Variants in SH3GL2 observed in about 807,000 individuals in gnomAD.
The protein encoded by SH3GL2 is endophilin-A1.
In SH3GL2, 24 loss-of-function variants were observed where a neutral mutation model predicts 46.0. The ratio of observed to expected loss-of-function variants is 0.52; its 90% CI spans 0.38 to 0.73. The LOEUF is 0.73. Among genes scored for constraint, SH3GL2 ranks in the 30% least tolerant of loss-of-function variants. The pLI, the probability that SH3GL2 is intolerant of heterozygous loss-of-function variation, is 0.00. For synonymous variants in SH3GL2, 196 were observed against 147.1 expected (o/e 1.33, Z -2.40); for missense variants, 413 against 424.2 (o/e 0.97, Z 0.23).
At chr9:17,614,299 A>G (rs79503375) in intron 1 of SH3GL2, among the ~76,000 whole-genome samples, 2,360 of 146,076 alleles carry the variant, frequency 0.016, 44 homozygotes, top group Non-Finnish European at 0.027. Flanking sequence ...GTTTCTGAAA[A>G]AAAAAAAAAA....
At chr9:17,678,343 G>A (rs1473663921) in intron 1 of SH3GL2, among the ~76,000 whole-genome samples, 1 of 152,120 alleles carries the variant, frequency 6.6e-6, no homozygotes, top group Non-Finnish European at 1.5e-5. Flanking sequence ...GGTATGAGAT[G>A]GTATCTCATT....
intron 3 of SH3GL2, among the ~76,000 whole-genome samples, chr9:17,772,172 A>C (rs768324222): frequency 8.5e-5 from 13 of 152,190 alleles, no homozygotes; most frequent in Non-Finnish European, 1.8e-4. Context: ...AATGAAATGC[A>C]TGCTAAGATG....
chr9:17,664,414 C>T (rs1820294880), intron 1 of SH3GL2, among the ~76,000 whole-genome samples: 1 of 152,090 alleles, frequency 6.6e-6, no homozygotes, highest in African/African-American at 2.4e-5. Flanking sequence ...TTGCATTTCT[C>T]ACTTGGAGAT....
intron 1 of SH3GL2, among the ~76,000 whole-genome samples, chr9:17,670,488 T>C (rs1376035129): frequency 3.3e-5 from 5 of 152,200 alleles, no homozygotes; most frequent in Non-Finnish European, 7.3e-5. Flanking sequence ...TGTTTTAATA[T>C]CTGGTAGGGC....
intron 1 of SH3GL2, chr9:17,589,761 G>T (rs539437063): frequency 2.9e-4 from 44 of 152,396 alleles, no homozygotes; most frequent in African/African-American, 1.1e-3. Context: ...AGTTGTTGAG[G>T]ATTGCAGATT....
rs567169399 is a variant in SH3GL2 at position 17,788,481 on chromosome 9, T to TTCTG, written c.466-910_466-907dup. Among the ~76,000 whole-genome samples the TTCTG allele has an allele frequency of 1.1e-4, 16 of 152,324 alleles. No individual in the cohort carries two copies. The South Asian group carries it at 3.3e-3, about 32-fold the overall frequency. ...CCTACTTTGTTTTCATTTCCTTTCA[T>TTCTG]TCTGCTCCATACATACTAGTAACAA... On this transcript the variant is annotated intron_variant, in intron 5 of 8. Transcript: ENST00000380607.
At chr9:17,748,217 T>G (rs1173849713) in intron 2 of SH3GL2, among the ~76,000 whole-genome samples, 1 of 152,186 alleles carries the variant, frequency 6.6e-6, no homozygotes, top group Admixed American at 6.5e-5. Context: ...AGGCTTATGA[T>G]TAAAAGTGTG....
intron 1 of SH3GL2, among the ~76,000 whole-genome samples, chr9:17,693,555 A>G (rs189374712): frequency 6.6e-6 from 1 of 150,698 alleles, no homozygotes; most frequent in East Asian, 1.9e-4. Context: ...AGCTTCTTCA[A>G]ATATGGACAC....
At chr9:17,730,781 G>C (rs1412180307) in intron 1 of SH3GL2, among the ~76,000 whole-genome samples, 1 of 141,118 alleles carries the variant, frequency 7.1e-6, no homozygotes, top group Non-Finnish European at 1.5e-5. Context: ...GTGAATTGAT[G>C]GTAATTCAAC....
At chr9:17,586,044 A>T (rs57007271) in intron 1 of SH3GL2, among the ~76,000 whole-genome samples, 23,178 of 152,192 alleles carry the variant, frequency 0.15, 2,296 homozygotes, top group East Asian at 0.41. Flanking sequence ...AAATGCCATG[A>T]TTGTGAGACC....
intron 1 of SH3GL2, among the ~76,000 whole-genome samples, chr9:17,717,372 C>T (rs1175314552): frequency 6.6e-6 from 1 of 152,074 alleles, no homozygotes; most frequent in Non-Finnish European, 1.5e-5. Context: ...CCAAATTTGT[C>T]TAGCAAAGTC....
intron 1 of SH3GL2, among the ~76,000 whole-genome samples, chr9:17,688,234 A>G (rs1002280861): frequency 6.6e-6 from 1 of 152,012 alleles, no homozygotes; most frequent in East Asian, 1.9e-4. Context: ...CAGCATCACA[A>G]TGTGGCAGCC....
chr9:17,647,514 A>C (rs535628136), intron 1 of SH3GL2, among the ~76,000 whole-genome samples: 34 of 152,292 alleles, frequency 2.2e-4, no homozygotes, highest in Admixed American at 1.4e-3. Flanking sequence ...AATTGAGACC[A>C]CAAAGCTGTT....
At chr9:17,587,705 G>C (rs6475154) in intron 1 of SH3GL2, among the ~76,000 whole-genome samples, 14,569 of 151,892 alleles carry the variant, frequency 0.096, 2,333 homozygotes, top group African/African-American at 0.33. Flanking sequence ...TGGTGAAGCC[G>C]CTTCTCTACT....
intron 1 of SH3GL2, among the ~76,000 whole-genome samples, chr9:17,692,082 A>G (rs1588244914): frequency 1.3e-5 from 2 of 152,274 alleles, no homozygotes; most frequent in Middle Eastern, 3.4e-3. Flanking sequence ...GAAATCGTAA[A>G]GTGTTGGAAA....
intron 1 of SH3GL2, among the ~76,000 whole-genome samples, chr9:17,657,907 A>G (rs752616399): frequency 3.2e-4 from 49 of 152,170 alleles, no homozygotes; most frequent in Non-Finnish European, 6.2e-4. Context: ...AAGGTTTTCA[A>G]GATACTCATT....
At chr9:17,734,773 A>T (rs10963233) in intron 1 of SH3GL2, among the ~76,000 whole-genome samples, 30,089 of 152,040 alleles carry the variant, frequency 0.2, 3,475 homozygotes, top group East Asian at 0.39. Context: ...ACAGAAGTAT[A>T]TGTGTGGTTA....
At chr9:17,740,941 T>A (rs1041797626) in intron 1 of SH3GL2, among the ~76,000 whole-genome samples, 9 of 152,092 alleles carry the variant, frequency 5.9e-5, no homozygotes, top group Admixed American at 2.0e-4. Flanking sequence ...ACGCAACTAT[T>A]AGGTGACATT....
chr9:17,656,324 C>T (rs7847297), intron 1 of SH3GL2, among the ~76,000 whole-genome samples: 58,202 of 151,604 alleles, frequency 0.38, 12,430 homozygotes, highest in South Asian at 0.6. Context: ...GAAGATTAAC[C>T]AACTAATGTA....
Sources: allele counts gnomAD v4.1 joint callset (sites outside exome capture counted in the v4.1 genomes callset), GRCh38; gene constraint gnomAD v4.1.1; transcripts MANE v1.5; gene names NCBI Gene and HGNC (gene_info 2026-07-23, HGNC 2026-07-21).